The following RAB17 variants were observed in gnomAD, a reference collection of about 807,000 sequenced individuals.
The protein encoded by RAB17 is ras-related protein Rab-17.
RAB17 carries 15 observed loss-of-function variants against 19.3 expected under a neutral mutation model. That is an observed-to-expected ratio of 0.78 (90% CI 0.52 to 1.20). The LOEUF (loss-of-function observed/expected upper bound fraction) is 1.20, where lower values mean the gene tolerates loss of function less well. Among genes scored for constraint, RAB17 ranks in the 50% most tolerant of loss-of-function variants. The pLI is 0.00. For synonymous variants in RAB17, 110 were observed against 112.8 expected, an observed-to-expected ratio of 0.97 and a Z score of 0.16; for missense variants, 262 against 269.3, an observed-to-expected ratio of 0.97 and a Z score of 0.19.
chr2:237,586,298 A>C, intron 1 of RAB17, 141 bp from the exon 2 acceptor site: 1 of 748,102 alleles, frequency 1.3e-6, no homozygotes. Flanking sequence ...CTAGGTCCAC[A>C]CTCCTGCTTC....
intron 1 of RAB17, among the ~76,000 whole-genome samples, chr2:237,590,060 A>C (rs2081381230): frequency 6.6e-6 from 1 of 152,222 alleles, no homozygotes; most frequent in South Asian, 2.1e-4. Flanking sequence ...TTTACAAGAA[A>C]ACCTGACAAG....
intron 2 of RAB17, among the ~76,000 whole-genome samples, chr2:237,581,338 C>T (rs2081307095): frequency 6.6e-6 from 1 of 150,750 alleles, no homozygotes; most frequent in South Asian, 2.1e-4. Flanking sequence ...CATACCACCA[C>T]ACTCCAGCCT....
intron 4 of RAB17, chr2:237,575,696 C>CAG: frequency 5.7e-6 from 3 of 525,404 alleles, no homozygotes; most frequent in South Asian, 5.3e-5. Flanking sequence ...CTCTAGCTGG[C>CAG]GGGGTGCGGC....
At chr2:237,576,478 C>T in intron 4 of RAB17, 1 of 434,118 alleles carries the variant, frequency 2.3e-6, no homozygotes, top group South Asian at 1.7e-5. Flanking sequence ...CGCTGTCTCC[C>T]TTTGCTCCCC....
At chr2:237,586,993 T>C (rs1185283891) in intron 1 of RAB17, among the ~76,000 whole-genome samples, 2 of 152,222 alleles carry the variant, frequency 1.3e-5, no homozygotes, top group African/African-American at 2.4e-5. Context: ...GGTTGTCCTG[T>C]AGATTTCCAG....
rs571426654 is a variant in RAB17 at position 237,575,034 on chromosome 2, T to C, written c.624A>G (p.Lys208=). The C allele has an allele frequency of 2.5e-6, 4 of 1,612,320 alleles. No individual in the cohort carries two copies. In the East Asian group the frequency reaches 8.9e-5, roughly 36 times the overall value. ...ALNKGPARQA[K]CCAH is the part of the protein sequence containing the mutation. The stretch of plus-strand genomic sequence containing the variant: ...GTGGCTGCACCTAGTGGGCGCAGCA[T>C]TTGGCCTGCCTCGCGGGCCCCTTGT... Residue 208 remains lysine (K), a synonymous_variant, in exon 6 of 6, where the codon AAA becomes AAG. Coordinates refer to ENST00000264601, the MANE Select transcript of RAB17 (RefSeq NM_022449.4).
intron 2 of RAB17, 53 bp from the exon 3 acceptor site, chr2:237,578,208 G>A (rs748620266): frequency 4.5e-5 from 69 of 1,550,410 alleles, no homozygotes; most frequent in African/African-American, 2.6e-4. Context: ...TGCCACATGC[G>A]GCTCAGGTGG....
At chr2:237,581,809 A>C (rs185541534) in intron 2 of RAB17, among the ~76,000 whole-genome samples, 2 of 152,234 alleles carry the variant, frequency 1.3e-5, no homozygotes, top group African/African-American at 4.8e-5. Context: ...CCTGTTTGTC[A>C]CCGTCCCCTT....
intron 1 of RAB17, among the ~76,000 whole-genome samples, chr2:237,589,902 A>G (rs9287621): frequency 0.19 from 28,939 of 152,104 alleles, 5,228 homozygotes; most frequent in African/African-American, 0.47. Flanking sequence ...GAAGGGTCTG[A>G]TTGATGAGTC....
At chr2:237,584,732 G>C (rs2081335249) in intron 2 of RAB17, among the ~76,000 whole-genome samples, 1 of 152,184 alleles carries the variant, frequency 6.6e-6, no homozygotes, top group Non-Finnish European at 1.5e-5. Flanking sequence ...CAGGCCTGGT[G>C]AGGCCCCCAT....
intron 4 of RAB17, 46 bp from the exon 5 acceptor site, chr2:237,575,526 T>C (rs1223505301): frequency 7.1e-6 from 10 of 1,406,216 alleles, no homozygotes; most frequent in Non-Finnish European, 9.9e-6. Context: ...TAAGAGAGTT[T>C]CCTAAGGACA....
chr2:237,585,138 A>G (rs1190762473), intron 2 of RAB17, among the ~76,000 whole-genome samples: 1 of 152,218 alleles, frequency 6.6e-6, no homozygotes, highest in African/African-American at 2.4e-5. Flanking sequence ...TTAGCTGGTT[A>G]TAGAATCCAT....
Position 237,574,970 on chromosome 2 carries a change from T to C in RAB17, c.*49A>G, listed in dbSNP as rs373500777. The C allele has an allele frequency of 8.7e-5, 120 of 1,386,936 alleles. No individual in the cohort carries two copies. The highest frequency in any genetic ancestry group is 1.0e-4 in the Non-Finnish European group (104 of 1,012,360). The allele number at this position is 1,386,936 out of a possible 1,614,324, so 85.9% of individuals were successfully genotyped here. A position where few individuals can be genotyped will look rare whatever the true frequency, so the allele number is the denominator to read the frequency against. ...ATCAGAATCCACCTAGAGCTGGCCA[T>C]GGCCCAGGCAGGGGGTGTCTTCCCC... is the stretch of plus-strand genomic sequence containing the variant. On this transcript the variant is annotated 3_prime_UTR_variant, in exon 6 of 6. Transcript: ENST00000264601.
In RAB17 at chr2:237,574,549, G is replaced by C; in HGVS notation, c.*470C>G. 1 of 1,550,148 alleles carries C rather than the reference G, an allele frequency of 6.5e-7. No individual in the cohort carries two copies. The highest frequency in any genetic ancestry group is 8.7e-7 in the Non-Finnish European group (1 of 1,146,800). ...AAATCCTGGGCCCACCCCACAGTCA[G>C]TCATCGCTCCATTTCTTCCTGGCAC... On this transcript the variant is annotated 3_prime_UTR_variant, in exon 6 of 6. Coordinates refer to ENST00000264601, the MANE Select transcript of RAB17 (RefSeq NM_022449.4).
chr2:237,578,186 A>C (rs758311024), intron 2 of RAB17, 31 bp from the exon 3 acceptor site: 1 of 1,583,968 alleles, frequency 6.3e-7, no homozygotes, highest in African/African-American at 1.3e-5. Flanking sequence ...GGGCTTACTC[A>C]GAGGACGAGG....
intron 4 of RAB17, chr2:237,575,704 G>A (rs893117711): frequency 6.5e-5 from 34 of 520,604 alleles, no homozygotes; most frequent in Middle Eastern, 5.1e-4. Flanking sequence ...GGCGGGGTGC[G>A]GCCTTCCTCC....
intron 5 of RAB17, 57 bp downstream of exon 5, chr2:237,575,330 G>A (rs760855976): frequency 7.9e-6 from 11 of 1,393,348 alleles, no homozygotes; most frequent in Non-Finnish European, 1.1e-5. Context: ...GGGACCCAGG[G>A]AAGTTGGTCA....
At position 237,586,042 on chromosome 2, in the gene RAB17, C is replaced by T. The variant is rs368174671; in HGVS notation, c.113G>A (p.Arg38Gln). ...GSVGKSSLAL[R>Q]YVKNDFKSIL... Reference sequence around the variant, plus strand: ...ACTCTTGAAGTCGTTCTTCACGTACCGAAGAGCCAAGCTGGACTTACCCAC... The same window carrying T: ...ACTCTTGAAGTCGTTCTTCACGTACTGAAGAGCCAAGCTGGACTTACCCAC... The change falls in exon 2 of 6, where the codon CGG becomes CAG. Residue 38 changes from arginine to glutamine, a missense_variant. Arg to Gln is a conservative substitution (Grantham distance 43). Transcript: ENST00000264601. 23 of 1,613,070 alleles carry T rather than the reference C, an allele frequency of 1.4e-5. No homozygotes were observed. The Admixed American group carries it at 2.5e-4, about 18-fold the overall frequency.
rs1403937988 is a variant in RAB17, at chr2:237,577,317, G to A, written c.375C>T (p.Val125=). 1.2e-6 allele frequency: 2 copies of A among 1,613,960 alleles called. No homozygotes were observed. The highest frequency in any genetic ancestry group is 1.7e-6 in the Non-Finnish European group (2 of 1,179,950). Residue 125 remains valine, a synonymous_variant, in exon 4 of 6, where the codon GTC becomes GTT. Transcript: ENST00000264601. The stretch of plus-strand genomic sequence containing the variant: ...TCTTGTTGCCCACCAGCATCACCAG[G>A]ACTTCTCCTGGGTGCAGCTCCTCCT... ...DLEEELHPGE[V]LVMLVGNKTD...
Sources: allele counts gnomAD v4.1 joint callset (sites outside exome capture counted in the v4.1 genomes callset), GRCh38; gene constraint gnomAD v4.1.1; transcripts MANE v1.5; gene names NCBI Gene and HGNC (gene_info 2026-07-23, HGNC 2026-07-21).